SDK1: variants seen among roughly 807,000 people sequenced by gnomAD.
SDK1 encodes the protein protein sidekick-1.
A neutral mutation model predicts 245.5 loss-of-function variants in SDK1; 157 were observed. The observed-to-expected ratio is 0.64, with a 90% confidence interval of 0.56 to 0.73. The LOEUF (loss-of-function observed/expected upper bound fraction) is 0.73. Among genes scored for constraint, SDK1 ranks in the 30% least tolerant of loss-of-function variants. The pLI is 0.00. For missense variants in SDK1, 3,583 were observed against 3,002.3 expected, an observed-to-expected ratio of 1.19 and a Z score of -4.52; for synonymous variants, 1,647 against 1,278.5, an observed-to-expected ratio of 1.29 and a Z score of -6.15.
At chr7:3,366,541 C>G (rs1781096702) in intron 1 of SDK1, among the ~76,000 whole-genome samples, 1 of 152,058 alleles carries the variant, frequency 6.6e-6, no homozygotes, top group Non-Finnish European at 1.5e-5. Context: ...TTGTGACGTT[C>G]AGTTTCTTCT....
intron 14 of SDK1, among the ~76,000 whole-genome samples, chr7:4,001,753 A>T (rs981004797): frequency 1.3e-5 from 2 of 152,240 alleles, no homozygotes; most frequent in African/African-American, 2.4e-5. Context: ...TTAGGTAGAA[A>T]GTATCCATCT....
At chr7:3,691,295 C>G (rs916554762) in intron 4 of SDK1, among the ~76,000 whole-genome samples, 7 of 152,224 alleles carry the variant, frequency 4.6e-5, no homozygotes, top group African/African-American at 1.7e-4. Context: ...ATGAAAATGT[C>G]TTATGTTGAT....
intron 5 of SDK1, among the ~76,000 whole-genome samples, chr7:3,848,598 T>A (rs766025017): frequency 1.2e-4 from 19 of 152,070 alleles, no homozygotes; most frequent in Non-Finnish European, 2.2e-4. Context: ...GAGTACACAC[T>A]TAGCCCCAGG....
intron 4 of SDK1, among the ~76,000 whole-genome samples, chr7:3,669,325 G>C (rs975142206): frequency 6.6e-6 from 1 of 152,096 alleles, no homozygotes; most frequent in Non-Finnish European, 1.5e-5. Flanking sequence ...TACAGACCTT[G>C]TTGCAGAATT....
intron 1 of SDK1, among the ~76,000 whole-genome samples, chr7:3,420,213 G>A (rs11981125): frequency 0.1 from 15,874 of 152,246 alleles, 1,082 homozygotes; most frequent in African/African-American, 0.18. Flanking sequence ...TAACATTATT[G>A]TCATATTAGC....
intron 4 of SDK1, among the ~76,000 whole-genome samples, chr7:3,781,314 T>G (rs1022040170): frequency 2.0e-5 from 3 of 152,228 alleles, no homozygotes; most frequent in African/African-American, 7.2e-5. Flanking sequence ...CAACCCCACC[T>G]GACATCAGAG....
At chr7:3,824,803 G>C (rs1482010642) in intron 5 of SDK1, among the ~76,000 whole-genome samples, 1 of 152,204 alleles carries the variant, frequency 6.6e-6, no homozygotes, top group Non-Finnish European at 1.5e-5. Flanking sequence ...AAGCATGACT[G>C]TTAGAACTGA....
At chr7:3,939,079 C>A in intron 5 of SDK1, among the ~76,000 whole-genome samples, 1 of 152,194 alleles carries the variant, frequency 6.6e-6, no homozygotes, top group East Asian at 1.9e-4. Flanking sequence ...ATGGGATATA[C>A]GACCGTATTT....
At position 4,266,746 on chromosome 7, in the gene SDK1, G is replaced by A. The variant is rs376837314; in HGVS notation, c.*1362G>A. 1.6e-5 allele frequency: 16 copies of A among 985,422 alleles called. No homozygotes were observed. The East Asian group carries it at 9.1e-4, about 56-fold the overall frequency. The allele number at this position is 985,422 out of a possible 1,614,324, so 61.0% of individuals were successfully genotyped here. On this transcript the variant is annotated 3_prime_UTR_variant, in exon 45 of 45. Coordinates refer to ENST00000404826, the MANE Select transcript of SDK1 (RefSeq NM_152744.4). Reference sequence around the variant, plus strand: ...TGGTCCACCCCTCAGCCCGGGTCCCGGGTCTGGATGGAACGGGAGCACTGC... The same window carrying A: ...TGGTCCACCCCTCAGCCCGGGTCCCAGGTCTGGATGGAACGGGAGCACTGC...
intron 4 of SDK1, among the ~76,000 whole-genome samples, chr7:3,715,803 C>G (rs1428655398): frequency 6.6e-6 from 1 of 152,114 alleles, no homozygotes; most frequent in Non-Finnish European, 1.5e-5. Flanking sequence ...AAGACACAAT[C>G]AACTGAGGCC....
intron 17 of SDK1, among the ~76,000 whole-genome samples, chr7:4,045,532 C>T (rs1273421779): frequency 6.6e-6 from 1 of 152,150 alleles, no homozygotes; most frequent in African/African-American, 2.4e-5. Context: ...AAGTGTGAGC[C>T]ACTATGCCCC....
intron 1 of SDK1, among the ~76,000 whole-genome samples, chr7:3,400,502 C>T (rs1393969466): frequency 7.2e-5 from 11 of 151,962 alleles, no homozygotes; most frequent in Admixed American, 7.2e-4. Context: ...ATTTTATCAA[C>T]TTAGAAACAA....
At chr7:3,732,175 T>C (rs1379202547) in intron 4 of SDK1, among the ~76,000 whole-genome samples, 1 of 152,198 alleles carries the variant, frequency 6.6e-6, no homozygotes, top group Non-Finnish European at 1.5e-5. Flanking sequence ...TTTCTCTGTG[T>C]TGAAGTAGGT....
chr7:4,231,912 C>G (rs1292209640), intron 40 of SDK1, among the ~76,000 whole-genome samples: 1 of 152,168 alleles, frequency 6.6e-6, no homozygotes, highest in Non-Finnish European at 1.5e-5. Context: ...CACGGGTACA[C>G]ACATATCCAA....
chr7:3,558,239 G>C (rs965169100), intron 1 of SDK1, among the ~76,000 whole-genome samples: 2 of 152,186 alleles, frequency 1.3e-5, no homozygotes, highest in Admixed American at 1.3e-4. Flanking sequence ...TTCTGGAGTA[G>C]GCCATAGGAT....
At chr7:3,998,888 C>T (rs753756541) in intron 14 of SDK1, among the ~76,000 whole-genome samples, 2 of 152,196 alleles carry the variant, frequency 1.3e-5, no homozygotes, top group Non-Finnish European at 2.9e-5. Flanking sequence ...AGTGTGCCAT[C>T]CATGTGTCCC....
chr7:3,993,079 C>G (rs144640082), intron 14 of SDK1, among the ~76,000 whole-genome samples: 19 of 152,334 alleles, frequency 1.2e-4, no homozygotes, highest in Non-Finnish European at 1.5e-4. Flanking sequence ...CATGTTGATT[C>G]TATCGTTGCA....
intron 1 of SDK1, among the ~76,000 whole-genome samples, chr7:3,448,568 A>G (rs1780415169): frequency 6.6e-6 from 1 of 152,110 alleles, no homozygotes; most frequent in African/African-American, 2.4e-5. Context: ...AAATTCTCTT[A>G]TGAATGTTAC....
intron 39 of SDK1, among the ~76,000 whole-genome samples, 165 bp downstream of exon 39, chr7:4,220,435 C>G (rs776495398): frequency 6.6e-6 from 1 of 151,722 alleles, no homozygotes; most frequent in Admixed American, 6.6e-5. Context: ...TTCAAAAGCA[C>G]GCGTCAACAT....
Sources: allele counts gnomAD v4.1 joint callset (sites outside exome capture counted in the v4.1 genomes callset), GRCh38; gene constraint gnomAD v4.1.1; transcripts MANE v1.5; gene names NCBI Gene and HGNC (gene_info 2026-07-23, HGNC 2026-07-21).